Variants in DOCK2 observed in about 807,000 individuals in gnomAD.
The protein encoded by DOCK2 is dedicator of cytokinesis 2.
In DOCK2, 87 loss-of-function variants were observed where a neutral mutation model predicts 248.9. The ratio of observed to expected loss-of-function variants is 0.35; its 90% CI spans 0.29 to 0.42. DOCK2 has a LOEUF of 0.42. DOCK2 is among the 10% of genes least tolerant of loss of function. The pLI, the probability that DOCK2 is intolerant of heterozygous loss-of-function variation, is 1.00. For missense variants in DOCK2, 1,747 were observed against 2,300.2 expected, an observed-to-expected ratio of 0.76 and a Z score of 4.92; for synonymous variants, 805 against 821.6, an observed-to-expected ratio of 0.98 and a Z score of 0.35.
intron 27 of DOCK2, chr5:169,934,748 AG>A (rs1394306278): frequency 2.2e-6 from 1 of 455,708 alleles, no homozygotes; most frequent in Non-Finnish European, 4.4e-6. Context: ...TCACGGGATC[AG>A]TGCTCAGTAA....
chr5:169,990,479 C>T (rs186932942), intron 29 of DOCK2, among the ~76,000 whole-genome samples: 2 of 152,178 alleles, frequency 1.3e-5, no homozygotes, highest in East Asian at 3.9e-4. Flanking sequence ...ATCCCAGAGC[C>T]TGCTGCATCC....
intron 1 of DOCK2, among the ~76,000 whole-genome samples, chr5:169,648,855 G>A (rs1309676713): frequency 6.6e-6 from 1 of 152,186 alleles, no homozygotes; most frequent in Non-Finnish European, 1.5e-5. Context: ...GGTGGGTGGA[G>A]GAACACCTCC....
intron 24 of DOCK2, among the ~76,000 whole-genome samples, chr5:169,760,488 C>G (rs1423853887): frequency 6.6e-6 from 1 of 152,160 alleles, no homozygotes; most frequent in Non-Finnish European, 1.5e-5. Context: ...TAACTGCACT[C>G]TGGACTTTAT....
intron 2 of DOCK2, among the ~76,000 whole-genome samples, chr5:169,661,677 C>A (rs1201795470): frequency 1.3e-5 from 2 of 152,136 alleles, no homozygotes; most frequent in Non-Finnish European, 2.9e-5. Context: ...GTATATTTGA[C>A]TCTTTTTTTT....
chr5:169,720,483 A>AT (rs112194590), intron 22 of DOCK2, among the ~76,000 whole-genome samples: 4 of 140,208 alleles, frequency 2.9e-5, no homozygotes, highest in African/African-American at 5.4e-5. Flanking sequence ...CCTTCCTTCC[A>AT]TTTTTTCCTT....
At chr5:169,830,589 T>C (rs977932098) in intron 26 of DOCK2, among the ~76,000 whole-genome samples, 10 of 152,224 alleles carry the variant, frequency 6.6e-5, no homozygotes, top group Non-Finnish European at 1.3e-4. Context: ...CCTTTATTCA[T>C]TGGCATTAAG....
At chr5:169,883,395 A>G (rs1323209986) in intron 27 of DOCK2, 10 of 1,551,576 alleles carry the variant, frequency 6.4e-6, no homozygotes, top group Admixed American at 3.9e-5. Flanking sequence ...GGAGGAATGC[A>G]TGGGACACCT....
At chr5:169,786,023 G>C (rs1399352445) in intron 25 of DOCK2, among the ~76,000 whole-genome samples, 1 of 152,162 alleles carries the variant, frequency 6.6e-6, no homozygotes, top group Non-Finnish European at 1.5e-5. Flanking sequence ...GAGATGCCAA[G>C]AAATAATGCT....
At chr5:169,706,244 A>G (rs964346518) in intron 14 of DOCK2, among the ~76,000 whole-genome samples, 1 of 152,260 alleles carries the variant, frequency 6.6e-6, no homozygotes, top group Admixed American at 6.5e-5. Flanking sequence ...TTCACCAGAG[A>G]TATATGTGTA....
At chr5:169,881,427 T>C (rs377147905) in intron 27 of DOCK2, 28 of 1,551,388 alleles carry the variant, frequency 1.8e-5, no homozygotes, top group Non-Finnish European at 2.3e-5. Flanking sequence ...CTTGGCCAGT[T>C]CGATAAAAGT....
At chr5:169,977,773 G>C (rs1339992412) in intron 27 of DOCK2, among the ~76,000 whole-genome samples, 1 of 152,174 alleles carries the variant, frequency 6.6e-6, no homozygotes, top group Non-Finnish European at 1.5e-5. Context: ...TTTTCCCAAA[G>C]AGTGCTCCCA....
At position 170,004,335 on chromosome 5, in the gene DOCK2, T is replaced by C. The variant is rs1233256351; in HGVS notation, c.3073-4162T>C. Among the ~76,000 whole-genome samples, 4 of 152,236 alleles carry C rather than the reference T, an allele frequency of 2.6e-5. No individual in the cohort carries two copies. The East Asian group carries it at 7.7e-4, about 29-fold the overall frequency. ...ATTTCTCCACATCCTCTCCAGCACCTGTTGTTTCCTGACTTTTTAATGATT... is the reference window on the plus strand; with the variant it reads ...ATTTCTCCACATCCTCTCCAGCACCCGTTGTTTCCTGACTTTTTAATGATT... On this transcript the variant is annotated intron_variant, in intron 30 of 51. Coordinates refer to ENST00000520908, the MANE Select transcript of DOCK2 (RefSeq NM_004946.3).
At chr5:170,020,117 C>G (rs1426884517) in intron 33 of DOCK2, among the ~76,000 whole-genome samples, 1 of 152,184 alleles carries the variant, frequency 6.6e-6, no homozygotes, top group Non-Finnish European at 1.5e-5. Context: ...CCTCCCGGCT[C>G]CAGCCTTCTG....
At chr5:169,780,321 GTGTGTGTGTGT>G (rs1364675785) in intron 25 of DOCK2, among the ~76,000 whole-genome samples, 5 of 147,822 alleles carry the variant, frequency 3.4e-5, no homozygotes, top group Non-Finnish European at 6.1e-5. Flanking sequence ...GTGTGTGTGT[GTGTGTGTGTGT>G]GTGTGTGTTG....
At chr5:169,670,148 G>A (rs1433725381) in intron 3 of DOCK2, among the ~76,000 whole-genome samples, 1 of 152,192 alleles carries the variant, frequency 6.6e-6, no homozygotes, top group African/African-American at 2.4e-5. Flanking sequence ...TTCCGGAATC[G>A]GGCAGGCAAT....
At chr5:169,669,830 C>G (rs1255546288) in intron 3 of DOCK2, among the ~76,000 whole-genome samples, 1 of 152,202 alleles carries the variant, frequency 6.6e-6, no homozygotes, top group Non-Finnish European at 1.5e-5. Flanking sequence ...GCACCTAGCA[C>G]AGTGACCAGA....
At chr5:169,860,679 A>T (rs1771144093) in intron 27 of DOCK2, among the ~76,000 whole-genome samples, 1 of 152,206 alleles carries the variant, frequency 6.6e-6, no homozygotes, top group South Asian at 2.1e-4. Context: ...TTCGTGGAGA[A>T]GGCAGGAAAA....
chr5:170,049,569 T>C (rs1374121036), intron 40 of DOCK2, among the ~76,000 whole-genome samples: 1 of 151,946 alleles, frequency 6.6e-6, no homozygotes, highest in Admixed American at 6.6e-5. Flanking sequence ...TAGAGCAGAG[T>C]TTCTCAACCT....
chr5:170,081,607 C>T, intron 50 of DOCK2: 1 of 533,602 alleles, frequency 1.9e-6, no homozygotes, highest in Non-Finnish European at 3.3e-6. Flanking sequence ...AGGTTTTGAC[C>T]AGGAGCCAGG....
Sources: allele counts gnomAD v4.1 joint callset (sites outside exome capture counted in the v4.1 genomes callset), GRCh38; gene constraint gnomAD v4.1.1; transcripts MANE v1.5; gene names NCBI Gene and HGNC (gene_info 2026-07-23, HGNC 2026-07-21).